The following EPHA4 variants were observed in gnomAD, a reference collection of about 807,000 sequenced individuals.
EPHA4 encodes the protein EPH receptor A4.
In EPHA4, 19 loss-of-function variants were observed where a neutral mutation model predicts 108.3. The ratio of observed to expected loss-of-function variants is 0.18; its 90% CI spans 0.12 to 0.26. The LOEUF (loss-of-function observed/expected upper bound fraction) is 0.26. EPHA4 is among the 10% of genes least tolerant of loss of function. The pLI, the probability that EPHA4 is intolerant of heterozygous loss-of-function variation, is 1.00. For missense variants in EPHA4, 917 were observed against 1,254.0 expected (o/e 0.73, Z 4.06); for synonymous variants, 449 against 455.5 (o/e 0.99, Z 0.18).
At chr2:221,442,750 C>T (rs1690465438) in intron 11 of EPHA4, 79 bp downstream of exon 11, 2 of 1,479,288 alleles carry the variant, frequency 1.4e-6, no homozygotes, top group Non-Finnish European at 9.3e-7. Flanking sequence ...CGCCATCTGT[C>T]ATTTCCCTGG....
At chr2:221,499,717 TATATATATATATATATATATATATA>T (rs1692413972) in intron 4 of EPHA4, among the ~76,000 whole-genome samples, 4 of 42,642 alleles carry the variant, frequency 9.4e-5, no homozygotes, top group Non-Finnish European at 1.2e-4. Flanking sequence ...CTAAAACTAA[TATATATATATATATATATATATATA>T]TATATATATA....
chr2:221,436,789 G>A (rs1461649877), intron 12 of EPHA4, among the ~76,000 whole-genome samples, 181 bp from the exon 13 acceptor site: 1 of 152,142 alleles, frequency 6.6e-6, no homozygotes, highest in Non-Finnish European at 1.5e-5. Context: ...CCTAGGAGCT[G>A]GGTTTGCTTC....
chr2:221,482,018 C>T (rs1691835375), intron 5 of EPHA4, among the ~76,000 whole-genome samples: 1 of 152,162 alleles, frequency 6.6e-6, no homozygotes, highest in South Asian at 2.1e-4. Flanking sequence ...AATCCTCCCA[C>T]CTGAGCCTCC....
At position 221,564,049 on chromosome 2, in the gene EPHA4, C is replaced by T. The variant is rs1250363178; in HGVS notation, c.505G>A (p.Glu169Lys). 6.2e-7 allele frequency: 1 copy of T among 1,614,048 alleles called. No individual in the cohort carries two copies. The highest frequency in any genetic ancestry group is 8.5e-7 in the Non-Finnish European group (1 of 1,180,030). Residue 169 changes from glutamate to lysine, a missense_variant, in exon 3 of 18, where the codon GAG becomes AAG. Physicochemically the swap from Glu to Lys is moderately conservative, Grantham distance 56. This residue lies in a region of EPHA4 where 758 missense variants were observed against 1,076.7 expected (regional missense o/e 0.70). Coordinates refer to ENST00000281821, the MANE Select transcript of EPHA4 (RefSeq NM_004438.5). ...IGDRIMKLNT[E>K]IRDVGPLSKK... ...CTTAATGGCCCTACATCCCGGATCT[C>T]GGTGTTCAGCTTCATGATTCTGTCA...
intron 3 of EPHA4, among the ~76,000 whole-genome samples, chr2:221,513,976 A>G (rs1467690215): frequency 1.3e-5 from 2 of 152,140 alleles, no homozygotes; most frequent in Non-Finnish European, 2.9e-5. Context: ...GGTAGCAAAG[A>G]TGAGAGCCCC....
intron 3 of EPHA4, among the ~76,000 whole-genome samples, chr2:221,539,461 G>A (rs896247794): frequency 2.0e-5 from 3 of 152,040 alleles, no homozygotes; most frequent in African/African-American, 7.2e-5. Flanking sequence ...GGAGAGAGAA[G>A]AAAAAAATGA....
At chr2:221,446,076 G>A (rs375981147) in intron 9 of EPHA4, 47 bp downstream of exon 9, 20 of 1,257,312 alleles carry the variant, frequency 1.6e-5, no homozygotes, top group Middle Eastern at 2.0e-4. Flanking sequence ...ACTAGAAAAC[G>A]TGTGACATGC....
chr2:221,443,615 T>C lies in EPHA4; in HGVS notation c.1775-9A>G. The C allele has an allele frequency of 6.3e-7, 1 of 1,596,500 alleles. No homozygotes were observed. Among genetic ancestry groups the C allele is most frequent in the Non-Finnish European group, 8.6e-7 (1 of 1,164,808 alleles). ...CACATATGTTCTTACACCTGAGTGA[T>C]AAACATGATAAGTTGGCTGAATACT... On this transcript the variant is annotated splice_polypyrimidine_tract_variant and intron_variant, in intron 9 of 17. Transcript: ENST00000281821.
chr2:221,535,056 T>TA (rs1693627803), intron 3 of EPHA4, among the ~76,000 whole-genome samples: 1 of 152,208 alleles, frequency 6.6e-6, no homozygotes. Context: ...CTTATCCAGT[T>TA]AAAAAGAAAT....
intron 3 of EPHA4, among the ~76,000 whole-genome samples, chr2:221,545,215 A>T (rs374848338): frequency 0.017 from 404 of 23,280 alleles, 1 homozygote; most frequent in African/African-American, 0.15. Context: ...TGGGAGACCG[A>T]GGTGGGCGGA....
In EPHA4 at chr2:221,420,519, AG is replaced by A. The variant is rs1273503259; in HGVS notation, c.*852del. On this transcript the variant is annotated 3_prime_UTR_variant, in exon 18 of 18. Coordinates refer to ENST00000281821, the MANE Select transcript of EPHA4 (RefSeq NM_004438.5). ...TCCACGGGCTTTGTAATCAACAGGA[AG>A]GGCTGTGAGGCCAAGATAGCAGAAT... 2 of 152,480 alleles carry A rather than the reference AG, an allele frequency of 1.3e-5. No homozygotes were observed. The highest frequency in any genetic ancestry group is 4.8e-5 in the African/African-American group (2 of 41,460). The allele number at this position is 152,480 out of a possible 1,614,324, so 9.4% of individuals were successfully genotyped here.
chr2:221,499,782 A>G (rs1692437212), intron 4 of EPHA4, among the ~76,000 whole-genome samples: 1 of 78,332 alleles, frequency 1.3e-5, no homozygotes, highest in Non-Finnish European at 2.5e-5. Context: ...TTTGAGACAG[A>G]GTTTTGCTAT....
At position 221,429,908 on chromosome 2, in the gene EPHA4, C is replaced by G; in HGVS notation, c.2690+50G>C. The G allele has an allele frequency of 1.9e-6, 3 of 1,592,670 alleles. No homozygotes were observed. The Admixed American group carries it at 5.3e-5, about 28-fold the overall frequency. On this transcript the variant is annotated intron_variant, in intron 15 of 17. Transcript: ENST00000281821. ...TTTAAGTGAGTCACCACTTGCCTGC[C>G]TCCTCTAATGTGTTCTTTCATACAT...
At chr2:221,544,821 C>A (rs900908584) in intron 3 of EPHA4, among the ~76,000 whole-genome samples, 7 of 152,128 alleles carry the variant, frequency 4.6e-5, no homozygotes, top group African/African-American at 1.4e-4. Context: ...AGGCTAGTAC[C>A]CTTACAAGAA....
chr2:221,439,698 T>C (rs1025695687), intron 11 of EPHA4, among the ~76,000 whole-genome samples: 6 of 151,930 alleles, frequency 3.9e-5, no homozygotes, highest in African/African-American at 1.5e-4. Flanking sequence ...AAATGAGTTT[T>C]AATCAACCTG....
chr2:221,510,965 G>T (rs1692809064), intron 3 of EPHA4, among the ~76,000 whole-genome samples: 1 of 152,118 alleles, frequency 6.6e-6, no homozygotes, highest in Non-Finnish European at 1.5e-5. Context: ...ATGTATAAAG[G>T]GAATGGGAAT....
rs369898036 is a variant in EPHA4 at position 221,564,163 on chromosome 2, T to C, written c.391A>G (p.Asn131Asp). ...TCTCTGATGAAACGCTCTTTGTCGT[T>C]GTCTGATTCATAGTAGTACAGGTTA... ...TFNLYYYESD[N>D]DKERFIRENQ... is the part of the protein sequence containing the mutation. Residue 131 changes from asparagine to aspartate, a missense_variant, in exon 3 of 18, where the codon AAC (asparagine) becomes GAC (aspartate). Around this residue, in one of 3 missense-constraint regions of EPHA4, gnomAD observed 758 missense variants for 1,076.7 expected, o/e 0.70. Coordinates refer to ENST00000281821, the MANE Select transcript of EPHA4 (RefSeq NM_004438.5). The C allele has an allele frequency of 6.2e-7, 1 of 1,614,038 alleles. No homozygotes were observed. Among genetic ancestry groups the C allele is most frequent in the African/African-American group, 1.3e-5 (1 of 74,916 alleles).
rs555585812 is a variant in EPHA4, at chr2:221,484,228, A to G, written c.980-1538T>C. Among the ~76,000 whole-genome samples the G allele has an allele frequency of 2.2e-4, 34 of 152,364 alleles. 1 individual carries two copies. Among genetic ancestry groups the G allele is most frequent in the Middle Eastern group, 6.8e-3 (2 of 294 alleles). On this transcript the variant is annotated intron_variant, in intron 4 of 17. Coordinates refer to ENST00000281821, the MANE Select transcript of EPHA4 (RefSeq NM_004438.5). ...GAGATAGAATTGGAAGAGGTAACCT[A>G]TAAATAAGAAATCATATTCAATATT...
chr2:221,486,753 T>C (rs151042843), intron 4 of EPHA4, among the ~76,000 whole-genome samples: 3,859 of 147,470 alleles, frequency 0.026, 158 homozygotes, highest in African/African-American at 0.089. Context: ...ATAATAATAA[T>C]AATAATAATA....
Sources: allele counts gnomAD v4.1 joint callset (sites outside exome capture counted in the v4.1 genomes callset), GRCh38; gene constraint gnomAD v4.1.1; regional missense constraint gnomAD v4.1.1; transcripts MANE v1.5; gene names NCBI Gene and HGNC (gene_info 2026-07-23, HGNC 2026-07-21).